Variants in ATP2B2 observed in about 807,000 individuals in gnomAD.
ATP2B2 encodes ATPase plasma membrane Ca2+ transporting 2.
Under a neutral mutation model 120.0 loss-of-function variants are expected in ATP2B2, and 15 were observed. That is an observed-to-expected ratio of 0.12 (90% confidence interval 0.08 to 0.19). The LOEUF (loss-of-function observed/expected upper bound fraction) is 0.19, where lower values mean the gene tolerates loss of function less well. ATP2B2 is among the 10% of genes least tolerant of loss of function. The pLI is 1.00. For missense variants in ATP2B2, 1,045 were observed against 1,719.8 expected, an observed-to-expected ratio of 0.61 and a Z score of 6.94; for synonymous variants, 694 against 700.3, an observed-to-expected ratio of 0.99 and a Z score of 0.14.
rs1182064593 is a variant in ATP2B2 at position 10,656,178 on chromosome 3, G to C, written c.-459-36217C>G. On this transcript the variant is annotated intron_variant, in intron 1 of 21. Coordinates refer to the ATP2B2 transcript ENST00000646379. ...GAAAAAGGTGGTGAGGAAGTTGCTGGGGACTAAAGAGATGAAGGCCTTGAT... is the reference window on the plus strand; with the variant it reads ...GAAAAAGGTGGTGAGGAAGTTGCTGCGGACTAAAGAGATGAAGGCCTTGAT... Among the ~76,000 whole-genome samples the C allele has an allele frequency of 3.3e-5, 5 of 152,246 alleles. No homozygotes were observed. In the East Asian group the frequency reaches 9.7e-4, roughly 29 times the overall value.
chr3:10,346,395 T>C lies in ATP2B2; in HGVS notation c.2405-258A>G, dbSNP rs929670236. ...CTGCTCACCTCTCCAGCCCCCTCTT[T>C]GCTGTCTGCAACCTGTGGCCACATT... On this transcript the variant is annotated intron_variant, in intron 16 of 22. Coordinates refer to ENST00000360273, the MANE Select transcript of ATP2B2 (RefSeq NM_001001331.4). The surrounding 1 kb of genome is among the most constrained non-coding windows in gnomAD (Gnocchi z 4.1). Among the ~76,000 whole-genome samples, 3 of 152,264 alleles carry C rather than the reference T, an allele frequency of 2.0e-5. No individual in the cohort carries two copies. Among genetic ancestry groups the C allele is most frequent in the African/African-American group, 7.2e-5 (3 of 41,466 alleles).
intron 3 of ATP2B2, among the ~76,000 whole-genome samples, chr3:10,530,299 G>A (rs540606196): frequency 2.6e-5 from 4 of 152,104 alleles, no homozygotes; most frequent in African/African-American, 9.7e-5. Flanking sequence ...GAATCCTTCC[G>A]ACATCCTCAA....
At chr3:10,580,164 TG>T (rs1339167346) in intron 2 of ATP2B2, among the ~76,000 whole-genome samples, 2 of 152,198 alleles carry the variant, frequency 1.3e-5, no homozygotes, top group Non-Finnish European at 2.9e-5. Context: ...CAGGGCTGGA[TG>T]GCAGGGGAAC....
intron 2 of ATP2B2, among the ~76,000 whole-genome samples, chr3:10,578,065 C>T (rs1314209114): frequency 1.3e-5 from 2 of 152,130 alleles, no homozygotes; most frequent in East Asian, 3.8e-4. Flanking sequence ...GATTCCAGGG[C>T]AAGGGGCTCA....
In ATP2B2 at chr3:10,346,052, C is replaced by T; in HGVS notation, c.2490G>A (p.Lys830=). 1 of 1,612,296 alleles carries T rather than the reference C, an allele frequency of 6.2e-7. No homozygotes were observed. The highest frequency in any genetic ancestry group is 1.1e-5 in the South Asian group (1 of 91,074). Residue 830 remains lysine, a synonymous_variant, in exon 17 of 23, where the codon AAG becomes AAA. Transcript: ENST00000360273. This position sits in a 1 kb window ranked among gnomAD's most constrained non-coding sequence, Gnocchi z 4.1. ...CTACCATGGCGAAGCCCACGTCGGC[C>T]TTCTTGAGTGCAGGCCCGTCGTTGG... The part of the protein sequence containing the change: ...DGTNDGPALK[K]ADVGFAMGIA...
At chr3:10,520,809 T>C (rs186834561) in intron 3 of ATP2B2, among the ~76,000 whole-genome samples, 1 of 151,542 alleles carries the variant, frequency 6.6e-6, no homozygotes, top group African/African-American at 2.4e-5. Flanking sequence ...AAAGAGTGCC[T>C]TTCTATTTTG....
In ATP2B2 at chr3:10,347,919, C is replaced by T. The variant is rs553124793; in HGVS notation, c.2405-1782G>A. ...CCCGCAGACCTCTCAGCAACTATTT[C>T]CACCATGGACCACACCTTCCTCCTC... is the stretch of plus-strand genomic sequence containing the variant. On this transcript the variant is annotated intron_variant, in intron 16 of 22. Coordinates refer to ENST00000360273, the MANE Select transcript of ATP2B2 (RefSeq NM_001001331.4). The surrounding 1 kb of genome is among the most constrained non-coding windows in gnomAD (Gnocchi z 5.2). 1.3e-5 allele frequency among the ~76,000 whole-genome samples: 2 copies of T among 152,270 alleles called. No homozygotes were observed. The highest frequency in any genetic ancestry group is 1.3e-4 in the Admixed American group (2 of 15,304).
At chr3:10,454,953 A>C (rs1470568717) in intron 1 of ATP2B2, among the ~76,000 whole-genome samples, 1 of 151,804 alleles carries the variant, frequency 6.6e-6, no homozygotes, top group Non-Finnish European at 1.5e-5. Context: ...TACACTTCAC[A>C]CTGTATTGCT....
At chr3:10,634,796 C>T (rs2069975973) in intron 1 of ATP2B2, among the ~76,000 whole-genome samples, 1 of 152,216 alleles carries the variant, frequency 6.6e-6, no homozygotes, top group South Asian at 2.1e-4. Context: ...AGGAGCTCCC[C>T]TGTGAGCCTC....
chr3:10,326,435 GGT>G lies in ATP2B2; in HGVS notation c.*2377_*2378del. The G allele has an allele frequency of 3.0e-6, 1 of 330,650 alleles. No homozygotes were observed. The highest frequency in any genetic ancestry group is 4.6e-5 in the East Asian group (1 of 21,884). The allele number at this position is 330,650 out of a possible 1,614,324, so 20.5% of individuals were successfully genotyped here. A position where few individuals can be genotyped will look rare whatever the true frequency, so the allele number is the denominator to read the frequency against. On this transcript the variant is annotated 3_prime_UTR_variant, in exon 23 of 23. Coordinates refer to ENST00000360273, the MANE Select transcript of ATP2B2 (RefSeq NM_001001331.4). The stretch of plus-strand genomic sequence containing the variant: ...CTGGCTCCGAATGAACATGGAGCAT[GGT>G]GTGCAAACACAGCTATCCTGATGTC...
intron 1 of ATP2B2, among the ~76,000 whole-genome samples, chr3:10,480,967 T>C (rs1035062091): frequency 3.9e-5 from 6 of 152,220 alleles, no homozygotes; most frequent in Non-Finnish European, 7.4e-5. Context: ...CACACCACTA[T>C]CTGCTCCACC....
Position 10,484,009 on chromosome 3 carries a change from C to T in ATP2B2, c.-320+21456G>A, listed in dbSNP as rs1253772349. 2.0e-5 allele frequency among the ~76,000 whole-genome samples: 3 copies of T among 152,210 alleles called. No individual in the cohort carries two copies. In the East Asian group the frequency reaches 5.8e-4, roughly 29 times the overall value. ...CTGGGGAGTGAGTCACAAGCCCAGG[C>T]TCCATTTCTCTGCCACCTGCTTGCT... On this transcript the variant is annotated intron_variant, in intron 1 of 22. Transcript: ENST00000360273.
intron 1 of ATP2B2, among the ~76,000 whole-genome samples, chr3:10,458,014 C>T (rs536850525): frequency 7.2e-5 from 11 of 152,206 alleles, no homozygotes; most frequent in Admixed American, 3.9e-4. Flanking sequence ...AGAGGAGTTG[C>T]CAATGTTAGA....
At chr3:10,523,673 G>A (rs1287001292) in intron 3 of ATP2B2, among the ~76,000 whole-genome samples, 1 of 152,120 alleles carries the variant, frequency 6.6e-6, no homozygotes, top group Admixed American at 6.5e-5. Flanking sequence ...GAAAAACCGT[G>A]GTTCACAGGA....
intron 2 of ATP2B2, among the ~76,000 whole-genome samples, chr3:10,618,559 A>T (rs2125620462): frequency 6.6e-6 from 1 of 152,318 alleles, no homozygotes; most frequent in South Asian, 2.1e-4. Flanking sequence ...TCACGGCAGC[A>T]GCAAAATCGG....
At chr3:10,616,368 C>T (rs2069386952) in intron 2 of ATP2B2, among the ~76,000 whole-genome samples, 2 of 152,102 alleles carry the variant, frequency 1.3e-5, no homozygotes, top group Admixed American at 1.3e-4. Context: ...GTCTAGGAGC[C>T]AAAGAGAGAG....
Position 10,350,434 on chromosome 3 carries a change from C to T in ATP2B2, c.2280G>A (p.Lys760=). The change falls in exon 15 of 23, where the codon AAG becomes AAA. Residue 760 remains lysine, a synonymous_variant. Transcript: ENST00000360273. ...CGTTGCGGATCCTCCTGTTGAACTC[C>T]TTGCCCTCGAGGCACAGAAAGTCCT... ...PGEDFLCLEG[K]EFNRRIRNEK... The T allele has an allele frequency of 6.2e-7, 1 of 1,614,248 alleles. No individual in the cohort carries two copies. Among genetic ancestry groups the T allele is most frequent in the Non-Finnish European group, 8.5e-7 (1 of 1,180,032 alleles).
chr3:10,392,524 G>A (rs2061887996), intron 5 of ATP2B2, among the ~76,000 whole-genome samples: 1 of 152,358 alleles, frequency 6.6e-6, no homozygotes, highest in African/African-American at 2.4e-5. Flanking sequence ...AAGTCAAAGC[G>A]CAGTGGGCTA....
At chr3:10,666,336 C>T in intron 1 of ATP2B2, among the ~76,000 whole-genome samples, 1 of 152,250 alleles carries the variant, frequency 6.6e-6, no homozygotes, top group East Asian at 1.9e-4. Context: ...CACCCCTGGC[C>T]TTGAGCCAGA....
Sources: gnomAD v4.1 joint callset for allele counts (sites outside exome capture counted in the v4.1 genomes callset) on GRCh38, gnomAD v4.1.1 for gene constraint, Gnocchi (gnomAD v3.1) non-coding constraint, MANE v1.5 for transcripts, NCBI Gene and HGNC (gene_info 2026-07-23, HGNC 2026-07-21) for gene names.